The following PRKDC variants were observed in gnomAD, a reference collection of about 807,000 sequenced individuals.
The protein encoded by PRKDC is protein kinase, DNA-activated, catalytic subunit.
In PRKDC, 82 loss-of-function variants were observed where a neutral mutation model predicts 486.9. The observed-to-expected ratio is 0.17, with a 90% confidence interval of 0.14 to 0.20. The LOEUF is 0.20. Ranked by LOEUF, PRKDC falls within the 10% of genes least tolerant of loss-of-function variation. The probability of loss-of-function intolerance (pLI) is 1.00; values close to 1 mark genes in which losing one functional copy is unlikely to be tolerated. For synonymous variants in PRKDC, 1,895 were observed against 1,837.0 expected (o/e 1.03, Z -0.81); for missense variants, 4,504 against 5,038.2 (o/e 0.89, Z 3.21).
chr8:47,878,988 T>G (rs527612586), intron 39 of PRKDC, among the ~76,000 whole-genome samples: 1 of 152,230 alleles, frequency 6.6e-6, no homozygotes, highest in Non-Finnish European at 1.5e-5. Context: ...TAAGGGATGC[T>G]CAACCTATCA....
intron 36 of PRKDC, among the ~76,000 whole-genome samples, chr8:47,884,286 C>T (rs916573111): frequency 7.2e-5 from 11 of 152,164 alleles, no homozygotes; most frequent in African/African-American, 2.4e-4. Flanking sequence ...TTGCCCAATC[C>T]TCTCTTCTCA....
intron 70 of PRKDC, among the ~76,000 whole-genome samples, chr8:47,801,406 T>C (rs1352265186): frequency 6.6e-6 from 1 of 152,156 alleles, no homozygotes; most frequent in Non-Finnish European, 1.5e-5. Flanking sequence ...TTAATAAAAA[T>C]AAATGTTGAA....
At chr8:47,860,323 T>C in intron 45 of PRKDC, among the ~76,000 whole-genome samples, 1 of 152,208 alleles carries the variant, frequency 6.6e-6, no homozygotes, top group East Asian at 1.9e-4. Context: ...TGCTAATACC[T>C]GGGGTTGAGG....
chr8:47,886,263 C>G (rs559185141), intron 35 of PRKDC, 116 bp from the exon 36 acceptor site: 11 of 728,046 alleles, frequency 1.5e-5, no homozygotes, highest in Non-Finnish European at 2.1e-5. Flanking sequence ...TAAAAAGAGC[C>G]TGATATGTGA....
chr8:47,879,034 C>T (rs531183296), intron 39 of PRKDC, among the ~76,000 whole-genome samples: 2 of 152,262 alleles, frequency 1.3e-5, no homozygotes, highest in South Asian at 2.1e-4. Context: ...CTCAAATAAT[C>T]GCTACTCTAT....
chr8:47,936,774 G>A (rs1415268798), intron 11 of PRKDC, among the ~76,000 whole-genome samples: 6 of 148,964 alleles, frequency 4.0e-5, no homozygotes, highest in Admixed American at 2.0e-4. Context: ...GTGCCACCAC[G>A]CCTGGCTATT....
chr8:47,941,633 C>T (rs902355274), intron 10 of PRKDC, among the ~76,000 whole-genome samples: 26 of 152,138 alleles, frequency 1.7e-4, no homozygotes, highest in African/African-American at 5.8e-4. Context: ...CACTGTGTGC[C>T]GCTTCCTTCG....
intron 42 of PRKDC, 24 bp downstream of exon 42, chr8:47,863,375 A>C (rs565660810): frequency 6.5e-7 from 1 of 1,545,272 alleles, no homozygotes; most frequent in South Asian, 1.2e-5. Flanking sequence ...ATAAAATAGA[A>C]TCCAAAATTA....
intron 63 of PRKDC, among the ~76,000 whole-genome samples, chr8:47,824,504 G>GA (rs906704897): frequency 1.3e-4 from 18 of 143,014 alleles, no homozygotes; most frequent in African/African-American, 4.6e-4. Flanking sequence ...GGTGGAATCT[G>GA]AAAATATCAA....
intron 52 of PRKDC, 116 bp downstream of exon 52, chr8:47,852,557 G>A (rs961976311): frequency 2.3e-5 from 13 of 561,432 alleles, no homozygotes; most frequent in Admixed American, 3.6e-5. Flanking sequence ...TTTAATAAAT[G>A]CAGATGCCCA....
chr8:47,857,396 T>C, intron 48 of PRKDC, 97 bp from the exon 49 acceptor site: 1 of 1,356,542 alleles, frequency 7.4e-7, no homozygotes, highest in Non-Finnish European at 9.9e-7. Context: ...AATTTTATAC[T>C]ATGACTGGAC....
chr8:47,880,921 C>A (rs1186247286), intron 38 of PRKDC, among the ~76,000 whole-genome samples: 1 of 151,824 alleles, frequency 6.6e-6, no homozygotes. Flanking sequence ...GTGGCGCACA[C>A]CTGTGATCCC....
At chr8:47,938,360 G>A (rs374157735) in intron 11 of PRKDC, among the ~76,000 whole-genome samples, 53 of 149,094 alleles carry the variant, frequency 3.6e-4, no homozygotes, top group African/African-American at 1.3e-3. Context: ...GTGGTGAGCC[G>A]AGGTCATGCC....
chr8:47,899,900 C>A (rs1359804019), intron 28 of PRKDC, among the ~76,000 whole-genome samples: 1 of 152,186 alleles, frequency 6.6e-6, no homozygotes, highest in Non-Finnish European at 1.5e-5. Context: ...GACTTAATAT[C>A]TTTATAATAT....
intron 25 of PRKDC, among the ~76,000 whole-genome samples, chr8:47,905,420 G>T (rs922079974): frequency 7.9e-5 from 12 of 152,042 alleles, no homozygotes; most frequent in African/African-American, 2.9e-4. Context: ...TGATTGGGAG[G>T]GCAATTTAGG....
chr8:47,774,209 A>T lies in PRKDC; in HGVS notation c.12351T>A (p.Leu4117=), dbSNP rs917994805. 1.3e-6 allele frequency: 2 copies of T among 1,593,208 alleles called. No homozygotes were observed. Among genetic ancestry groups the T allele is most frequent in the Non-Finnish European group, 1.7e-6 (2 of 1,169,522 alleles). ...LMDQATDPNI[L]GRTWEGWEPW... ...GCTCCCATCCTTCCCAGGTTCTGCC[A>T]AGGATGTTGGGGTCTGTTGCCTGGT... Residue 4117 remains leucine, a synonymous_variant, in exon 86 of 86, where the codon CTT becomes CTA. Transcript: ENST00000314191.
chr8:47,941,206 A>G (rs1462668148), intron 10 of PRKDC, among the ~76,000 whole-genome samples: 9 of 152,074 alleles, frequency 5.9e-5, no homozygotes. Context: ...AAATATATTC[A>G]ACATAGTGGA....
intron 80 of PRKDC, among the ~76,000 whole-genome samples, chr8:47,779,907 T>C (rs2086670157): frequency 2.0e-5 from 3 of 146,348 alleles, no homozygotes; most frequent in African/African-American, 7.7e-5. Flanking sequence ...TTTGTTTTGT[T>C]TTGTCTTTTT....
At chr8:47,819,372 T>TG (rs778156015) in intron 67 of PRKDC, 30 bp downstream of exon 67, 11 of 1,336,858 alleles carry the variant, frequency 8.2e-6, no homozygotes, top group South Asian at 1.4e-5. Flanking sequence ...CAATTAGAAA[T>TG]GAAAAAAAAA....
Sources: gnomAD v4.1 joint callset for allele counts (sites outside exome capture counted in the v4.1 genomes callset) on GRCh38, gnomAD v4.1.1 for gene constraint, MANE v1.5 for transcripts, NCBI Gene and HGNC (gene_info 2026-07-23, HGNC 2026-07-21) for gene names.